DLGAP1: variants seen among roughly 807,000 people sequenced by gnomAD.
The protein encoded by DLGAP1 is disks large-associated protein 1.
Under a neutral mutation model 90.8 loss-of-function variants are expected in DLGAP1, and 11 were observed. The observed-to-expected ratio is 0.12, with a 90% CI of 0.08 to 0.20. DLGAP1 has a LOEUF of 0.20. Among genes scored for constraint, DLGAP1 ranks in the 10% least tolerant of loss-of-function variants. DLGAP1 has a pLI of 1.00. For synonymous variants in DLGAP1, 558 were observed against 540.7 expected (o/e 1.03, Z -0.44); for missense variants, 1,050 against 1,333.8 (o/e 0.79, Z 3.31).
chr18:3,918,428 G>T (rs1279364618), intron 3 of DLGAP1, among the ~76,000 whole-genome samples: 1 of 152,132 alleles, frequency 6.6e-6, no homozygotes, highest in African/African-American at 2.4e-5. Context: ...TGTGCTAGAC[G>T]TTTTCCAGGC....
In DLGAP1 at chr18:3,973,669, T is replaced by TC. The variant is rs376917701; in HGVS notation, c.-73+31446dup. 8.5e-3 allele frequency among the ~76,000 whole-genome samples: 1,299 copies of TC among 152,126 alleles called. 15 individuals carry two copies. The highest frequency in any genetic ancestry group is 0.03 in the African/African-American group (1,240 of 41,492). On this transcript the variant is annotated intron_variant, in intron 3 of 12. Transcript: ENST00000315677. ...TTTCCAAATTGCCTGCCAATTTTTTTCCCTCAATTTTAGATAATTTTATTC... is the reference window on the plus strand; with the variant it reads ...TTTCCAAATTGCCTGCCAATTTTTTTCCCCTCAATTTTAGATAATTTTATTC...
At chr18:4,115,477 C>CCTTTCTTT (rs71368730) in intron 2 of DLGAP1, among the ~76,000 whole-genome samples, 57,161 of 145,544 alleles carry the variant, frequency 0.39, 11,689 homozygotes, top group South Asian at 0.47. Flanking sequence ...TCATTTTCTT[C>CCTTTCTTT]CTTTCTTTCT....
At chr18:3,754,658 T>C (rs1181426645) in intron 5 of DLGAP1, among the ~76,000 whole-genome samples, 1 of 149,446 alleles carries the variant, frequency 6.7e-6, no homozygotes, top group Non-Finnish European at 1.5e-5. Flanking sequence ...GGCAGGTGGA[T>C]TGCATGAGCT....
At chr18:4,396,512 T>C (rs1567888431) in intron 1 of DLGAP1, among the ~76,000 whole-genome samples, 1 of 152,252 alleles carries the variant, frequency 6.6e-6, no homozygotes, top group South Asian at 2.1e-4. Flanking sequence ...GAAAAAGCCT[T>C]TCCCAGGAAT....
intron 7 of DLGAP1, among the ~76,000 whole-genome samples, chr18:3,620,615 T>C (rs193023818): frequency 2.0e-5 from 3 of 152,194 alleles, no homozygotes; most frequent in Non-Finnish European, 4.4e-5. Context: ...TGGAGTGCAA[T>C]GGCAAGATCT....
At chr18:4,046,844 T>C (rs2075061947) in intron 2 of DLGAP1, among the ~76,000 whole-genome samples, 1 of 152,196 alleles carries the variant, frequency 6.6e-6, no homozygotes, top group South Asian at 2.1e-4. Flanking sequence ...GGTCTGAAGT[T>C]CATGTCTAGA....
At chr18:3,638,247 CTT>C (rs541911033) in intron 7 of DLGAP1, among the ~76,000 whole-genome samples, 45,247 of 129,356 alleles carry the variant, frequency 0.35, 8,132 homozygotes, top group East Asian at 0.77. Flanking sequence ...GTGCCCGGCC[CTT>C]TTTTTTTTTT....
intron 2 of DLGAP1, among the ~76,000 whole-genome samples, chr18:4,131,218 A>C (rs1428664659): frequency 6.6e-6 from 1 of 151,272 alleles, no homozygotes; most frequent in Non-Finnish European, 1.5e-5. Context: ...GTGTGCGTGC[A>C]AGCACGTGTA....
chr18:4,454,781 C>T lies in DLGAP1; in HGVS notation c.-267+225G>A, dbSNP rs76633503. Among the ~76,000 whole-genome samples the T allele has an allele frequency of 0.12, 18,414 of 151,876 alleles. 1,383 individuals are homozygous for T. Among genetic ancestry groups the T allele is most frequent in the South Asian group, 0.22 (1,074 of 4,816 alleles). On this transcript the variant is annotated intron_variant, in intron 1 of 12. Coordinates refer to ENST00000315677, the MANE Select transcript of DLGAP1 (RefSeq NM_004746.4). The surrounding 1 kb of genome is among the most constrained non-coding windows in gnomAD (Gnocchi z 4.7). ...GCATGGCCGGAGAGGACGCGCTCGC[C>T]CCCGAGATCCCAGGTTACCCGGAGG...
intron 5 of DLGAP1, among the ~76,000 whole-genome samples, chr18:3,760,051 C>T (rs1441572149): frequency 6.6e-6 from 1 of 152,230 alleles, no homozygotes; most frequent in Non-Finnish European, 1.5e-5. Context: ...TTCATCAAAA[C>T]GTGGGCTTCC....
At position 3,738,069 on chromosome 18, in the gene DLGAP1, G is replaced by C. The variant is rs910907368; in HGVS notation, c.1350+4266C>G. On this transcript the variant is annotated intron_variant, in intron 6 of 12. Coordinates refer to ENST00000315677, the MANE Select transcript of DLGAP1 (RefSeq NM_004746.4). The stretch of plus-strand genomic sequence containing the variant: ...ATACCTACGAATCCAACTTACAAGG[G>C]ATGTGAAGGACCTCTTCAAGAAGAA... Among the ~76,000 whole-genome samples, 6 of 150,688 alleles carry C rather than the reference G, an allele frequency of 4.0e-5. No individual in the cohort carries two copies. The East Asian group carries it at 1.2e-3, about 29-fold the overall frequency.
At chr18:3,812,798 CA>C (rs1440621664) in intron 5 of DLGAP1, among the ~76,000 whole-genome samples, 1 of 152,162 alleles carries the variant, frequency 6.6e-6, no homozygotes, top group African/African-American at 2.4e-5. Context: ...AGCTGTTTTT[CA>C]GTGCTCTTGA....
At chr18:3,725,728 A>C (rs934183756) in intron 7 of DLGAP1, among the ~76,000 whole-genome samples, 5 of 152,216 alleles carry the variant, frequency 3.3e-5, no homozygotes, top group African/African-American at 1.2e-4. Context: ...TAGTTAGACA[A>C]GCCAAGAAGT....
intron 7 of DLGAP1, among the ~76,000 whole-genome samples, chr18:3,628,246 G>A (rs1462192089): frequency 1.3e-5 from 2 of 148,448 alleles, no homozygotes; most frequent in Non-Finnish European, 3.0e-5. Flanking sequence ...CTGGAGTGCA[G>A]TGGTGTGATC....
At position 3,718,525 on chromosome 18, in the gene DLGAP1, C is replaced by T. The variant is rs573140651; in HGVS notation, c.1591+10610G>A. On this transcript the variant is annotated intron_variant, in intron 7 of 12. Transcript: ENST00000315677. ...ATGAAACAGTGCCTGCCCAACTATC[C>T]ACCTCTAAGGAAACCGCCTTGCCCA... Among the ~76,000 whole-genome samples, 11 of 152,104 alleles carry T rather than the reference C, an allele frequency of 7.2e-5. No homozygotes were observed. In the South Asian group the frequency reaches 1.0e-3, roughly 14 times the overall value.
chr18:3,784,605 G>A (rs2065358448), intron 5 of DLGAP1, among the ~76,000 whole-genome samples: 3 of 152,114 alleles, frequency 2.0e-5, no homozygotes, highest in Non-Finnish European at 4.4e-5. Context: ...ATGACGGCCG[G>A]ATCCCTGCCC....
At chr18:4,398,230 T>G (rs1257927551) in intron 1 of DLGAP1, among the ~76,000 whole-genome samples, 6 of 152,198 alleles carry the variant, frequency 3.9e-5, no homozygotes, top group Non-Finnish European at 8.8e-5. Flanking sequence ...GTTTAAGCAT[T>G]TTAAGTACAA....
chr18:4,000,159 T>C (rs909780722), intron 3 of DLGAP1, among the ~76,000 whole-genome samples: 3 of 152,180 alleles, frequency 2.0e-5, no homozygotes, highest in Non-Finnish European at 4.4e-5. Flanking sequence ...TTCTGAGCCC[T>C]TTTTATTAAC....
At chr18:4,382,226 T>C (rs993838745) in intron 1 of DLGAP1, among the ~76,000 whole-genome samples, 1 of 152,194 alleles carries the variant, frequency 6.6e-6, no homozygotes, top group Non-Finnish European at 1.5e-5. Flanking sequence ...TGCAGTCAGA[T>C]GCAGCTGGAG....
Sources: gnomAD v4.1 joint callset for allele counts (sites outside exome capture counted in the v4.1 genomes callset) on GRCh38, gnomAD v4.1.1 for gene constraint, Gnocchi (gnomAD v3.1) non-coding constraint, MANE v1.5 for transcripts, NCBI Gene and HGNC (gene_info 2026-07-23, HGNC 2026-07-21) for gene names.